TCF7: variants seen among roughly 807,000 people sequenced by gnomAD.
The protein encoded by TCF7 is T-cell-factor-7.
TCF7 carries 19 observed loss-of-function variants against 46.8 expected under a neutral mutation model. The observed-to-expected ratio is 0.41, with a 90% confidence interval of 0.28 to 0.60. TCF7 has a LOEUF of 0.60. Among genes scored for constraint, TCF7 ranks in the 20% least tolerant of loss-of-function variants. The pLI is 0.35. For synonymous variants in TCF7, 245 were observed against 213.4 expected, an observed-to-expected ratio of 1.15 and a Z score of -1.29; for missense variants, 547 against 504.6, an observed-to-expected ratio of 1.08 and a Z score of -0.81.
rs760546259 is a variant in TCF7 at position 134,138,094 on chromosome 5, ACT to A, written c.486_487del (p.Tyr163ArgfsTer28). 1.2e-6 allele frequency: 2 copies of A among 1,609,432 alleles called. No homozygotes were observed. The highest frequency in any genetic ancestry group is 1.7e-6 in the Non-Finnish European group (2 of 1,177,922). ...ATCAGCCCCCCCACGGTGTCCCCCA[ACT>A]CTCTCTCTACGAACATTTCAACAGC... is the stretch of plus-strand genomic sequence containing the variant. Reference protein sequence around the residue: ...ANQPPHGVPQLSLYEHFNSPH... With the variant: ...ANQPPHGVPQXSLYEHFNSPH... On this transcript the variant is annotated frameshift_variant, in exon 4 of 10. Coordinates refer to ENST00000342854, the MANE Select transcript of TCF7 (RefSeq NM_003202.5). LOFTEE classifies it high-confidence loss of function.
In TCF7 at chr5:134,142,880, C is replaced by T; in HGVS notation, c.915C>T (p.Arg305=). 6.2e-7 allele frequency: 1 copy of T among 1,613,378 alleles called. No homozygotes were observed. Residue 305 remains arginine, a synonymous_variant, in exon 7 of 10, where the codon CGC becomes CGT. Transcript: ENST00000342854. ...ESAAINQILG[R]RWHALSREEQ... ...CTGCCATCAACCAGATCCTGGGCCG[C>T]AGGGTGAGACCATGGGCAGGTGGGC...
Position 134,145,354 on chromosome 5 carries a change from T to C in TCF7, c.1076-870T>C, listed in dbSNP as rs186052539. On this transcript the variant is annotated intron_variant, in intron 9 of 9. Transcript: ENST00000342854. ...TCTGGTTGCCAGGTAGCCTTATGAC[T>C]TGCTATCTTGTACCTACTGATACCA... 90 of 544,116 alleles carry C rather than the reference T, an allele frequency of 1.7e-4. No homozygotes were observed. The East Asian group carries it at 3.5e-3, about 21-fold the overall frequency. The allele number at this position is 544,116 out of a possible 1,614,324, so 33.7% of individuals were successfully genotyped here.
intron 3 of TCF7, among the ~76,000 whole-genome samples, chr5:134,134,825 C>G (rs933591634): frequency 6.6e-6 from 1 of 152,232 alleles, no homozygotes; most frequent in African/African-American, 2.4e-5. Flanking sequence ...GGCACACTTT[C>G]AGCATTATCA....
At chr5:134,114,261 C>T (rs558343044), upstream of TCF7, among the ~76,000 whole-genome samples, 3 of 152,182 alleles carry the variant, frequency 2.0e-5, no homozygotes, top group Non-Finnish European at 2.9e-5. Context: ...CGAGCACAGC[C>T]TCAAGCAGCC....
intron 9 of TCF7, chr5:134,145,765 A>G: frequency 6.2e-7 from 1 of 1,613,952 alleles, no homozygotes; most frequent in East Asian, 2.2e-5. Context: ...AGAGAACTCA[A>G]GGATGGTAAT....
At chr5:134,119,963 T>C (rs565878899) in intron 3 of TCF7, among the ~76,000 whole-genome samples, 3 of 152,128 alleles carry the variant, frequency 2.0e-5, no homozygotes, top group Non-Finnish European at 4.4e-5. Flanking sequence ...GCCCCCAGAC[T>C]GGAACCAGGC....
At chr5:134,114,145 T>C (rs945133746), upstream of TCF7, among the ~76,000 whole-genome samples, 1 of 152,188 alleles carries the variant, frequency 6.6e-6, no homozygotes, top group African/African-American at 2.4e-5. Context: ...GTTCGCACTG[T>C]ATGCAGGCGG....
chr5:134,146,310 C>T lies in TCF7; in HGVS notation c.*7C>T. 1 of 1,614,072 alleles carries T rather than the reference C, an allele frequency of 6.2e-7. No homozygotes were observed. Among genetic ancestry groups the T allele is most frequent in the Non-Finnish European group, 8.5e-7 (1 of 1,180,006 alleles). On this transcript the variant is annotated 3_prime_UTR_variant, in exon 10 of 10. Coordinates refer to ENST00000342854, the MANE Select transcript of TCF7 (RefSeq NM_003202.5). ...TCCGATGACAGTGCTCTAGGCTGCC[C>T]CGGGTCCCCAGCTCCCCAGGACTCA...
intron 2 of TCF7, 110 bp downstream of exon 2, chr5:134,115,497 A>G (rs998591458): frequency 2.0e-6 from 3 of 1,486,698 alleles, no homozygotes; most frequent in Non-Finnish European, 1.8e-6. Flanking sequence ...ACCGCAGCTC[A>G]GGAGGCGGCA....
intron 3 of TCF7, among the ~76,000 whole-genome samples, chr5:134,120,665 C>G (rs1006835021): frequency 4.7e-4 from 72 of 152,234 alleles, no homozygotes; most frequent in African/African-American, 1.7e-3. Flanking sequence ...ATTCAGATGT[C>G]TCTGCCTCAG....
intron 3 of TCF7, among the ~76,000 whole-genome samples, chr5:134,137,247 A>C (rs902147562): frequency 6.6e-6 from 1 of 152,148 alleles, no homozygotes; most frequent in Non-Finnish European, 1.5e-5. Flanking sequence ...AACATGGCGA[A>C]ACCCCATCTC....
chr5:134,128,772 C>T (rs374916840), intron 3 of TCF7, among the ~76,000 whole-genome samples: 22 of 152,224 alleles, frequency 1.4e-4, no homozygotes, highest in African/African-American at 4.6e-4. Flanking sequence ...GTGGCGAGAG[C>T]ACCCCAGCCT....
chr5:134,146,446 G>GC lies in TCF7; in HGVS notation c.*148dup. The GC allele has an allele frequency of 1.1e-6, 1 of 897,170 alleles. No homozygotes were observed. The highest frequency in any genetic ancestry group is 1.9e-6 in the Non-Finnish European group (1 of 538,378). The allele number at this position is 897,170 out of a possible 1,614,324, so 55.6% of individuals were successfully genotyped here. A position where few individuals can be genotyped will look rare whatever the true frequency, so the allele number is the denominator to read the frequency against. ...CTGCTCTCAGCCTCCCAACCCCAGG[G>GC]CCCCCACAGGCCCCCCGCAGCACCC... On this transcript the variant is annotated 3_prime_UTR_variant, in exon 10 of 10. Coordinates refer to ENST00000342854, the MANE Select transcript of TCF7 (RefSeq NM_003202.5).
chr5:134,142,666 G>A (rs945787349), intron 6 of TCF7, 55 bp from the exon 7 acceptor site: 24 of 1,598,122 alleles, frequency 1.5e-5, no homozygotes, highest in Non-Finnish European at 2.0e-5. Context: ...GGAGGAGGCT[G>A]CAATTAGGTG....
Position 134,145,032 on chromosome 5 carries a change from C to G in TCF7, c.1076-1192C>G, listed in dbSNP as rs1297072450. On this transcript the variant is annotated intron_variant, in intron 9 of 9. Transcript: ENST00000342854. ...CCTGAGAATAGTAGTAAATACTGAACACAGCGCGTGGAGAAGACCACTTGG... is the reference window on the plus strand; with the variant it reads ...CCTGAGAATAGTAGTAAATACTGAAGACAGCGCGTGGAGAAGACCACTTGG... 4 of 672,432 alleles carry G rather than the reference C, an allele frequency of 5.9e-6. No individual in the cohort carries two copies. In the African/African-American group the frequency reaches 7.1e-5, roughly 12 times the overall value. The allele number at this position is 672,432 out of a possible 1,614,324, so 41.7% of individuals were successfully genotyped here.
At chr5:134,111,370 C>T (rs2436323), upstream of TCF7, among the ~76,000 whole-genome samples, 142,338 of 152,194 alleles carry the variant, frequency 0.94, 66,659 homozygotes, top group African/African-American at 0.98. Flanking sequence ...CCAGAAGACT[C>T]TGGGGCCTCC....
intron 4 of TCF7, 23 bp from the exon 5 acceptor site, chr5:134,138,928 C>CA (rs1427834812): frequency 6.2e-7 from 1 of 1,613,126 alleles, no homozygotes; most frequent in South Asian, 1.1e-5. Context: ...CTAGCCCACT[C>CA]ACTCAGCTTC....
chr5:134,119,257 C>T (rs1756252960), intron 3 of TCF7, among the ~76,000 whole-genome samples: 2 of 152,068 alleles, frequency 1.3e-5, no homozygotes, highest in African/African-American at 4.8e-5. Context: ...AGCCTTTTGC[C>T]ATTTTGATGA....
chr5:134,132,898 G>A (rs982935873), intron 3 of TCF7, among the ~76,000 whole-genome samples: 10 of 152,156 alleles, frequency 6.6e-5, no homozygotes, highest in African/African-American at 1.4e-4. Flanking sequence ...AAGAAGGCAC[G>A]CAGGAGCACC....
Sources: gnomAD v4.1 joint callset for allele counts (sites outside exome capture counted in the v4.1 genomes callset) on GRCh38, gnomAD v4.1.1 for gene constraint, MANE v1.5 for transcripts, NCBI Gene and HGNC (gene_info 2026-07-23, HGNC 2026-07-21) for gene names.